MUC7: variants seen among roughly 807,000 people sequenced by gnomAD.
MUC7 encodes the protein mucin-7.
A neutral mutation model predicts 2.5 loss-of-function variants in MUC7; 2 were observed. The observed-to-expected ratio is 0.81, with a 90% confidence interval of 0.33 to 2.55. The LOEUF (loss-of-function observed/expected upper bound fraction) is 2.55, where lower values mean the gene tolerates loss of function less well. Ranked by LOEUF, MUC7 falls within the 30% of genes most tolerant of loss-of-function variation. MUC7 has a pLI of 0.11. For synonymous variants in MUC7, 133 were observed against 173.4 expected (o/e 0.77, Z 1.83); for missense variants, 408 against 455.6 (o/e 0.90, Z 0.95).
upstream of MUC7, among the ~76,000 whole-genome samples, chr4:70,467,949 C>T (rs1032831580): frequency 1.3e-5 from 2 of 151,570 alleles, no homozygotes; most frequent in South Asian, 4.2e-4. Context: ...TTGGGAGAGA[C>T]ACAAGAAAAG....
At chr4:70,438,825 G>GT (rs1384791551) in intron 1 of MUC7, among the ~76,000 whole-genome samples, 2 of 152,096 alleles carry the variant, frequency 1.3e-5, no homozygotes, top group Non-Finnish European at 2.9e-5. Flanking sequence ...GAATCTAAAT[G>GT]TTTTTTCCAA....
chr4:70,451,520 A>C (rs1271491668), intron 1 of MUC7, among the ~76,000 whole-genome samples: 1 of 152,176 alleles, frequency 6.6e-6, no homozygotes, highest in Non-Finnish European at 1.5e-5. Flanking sequence ...TTATTCCACC[A>C]TCTTGCTCTG....
chr4:70,465,445 T>G (rs541869379), intron 1 of MUC7, among the ~76,000 whole-genome samples: 1 of 151,998 alleles, frequency 6.6e-6, no homozygotes, highest in East Asian at 1.9e-4. Flanking sequence ...GGTAATAACC[T>G]TCTCTGAGCT....
At chr4:70,444,155 T>C (rs1734069520) in intron 1 of MUC7, among the ~76,000 whole-genome samples, 1 of 152,200 alleles carries the variant, frequency 6.6e-6, no homozygotes, top group South Asian at 2.1e-4. Context: ...AGCTACCTTA[T>C]CTGATGTTCC....
At chr4:70,438,925 A>C (rs1304359649) in intron 1 of MUC7, among the ~76,000 whole-genome samples, 1 of 152,242 alleles carries the variant, frequency 6.6e-6, no homozygotes, top group Non-Finnish European at 1.5e-5. Context: ...ACATTTATCA[A>C]AGTCATATCA....
chr4:70,460,960 G>T (rs867259782), intron 1 of MUC7, among the ~76,000 whole-genome samples: 42 of 152,322 alleles, frequency 2.8e-4, no homozygotes, highest in Middle Eastern at 3.4e-3. Flanking sequence ...CACTGCGTAT[G>T]CTAGTTTCAG....
chr4:70,479,934 C>T (rs569380469), intron 2 of MUC7, among the ~76,000 whole-genome samples: 4 of 152,244 alleles, frequency 2.6e-5, no homozygotes, highest in South Asian at 2.1e-4. Context: ...CTCTACCAGG[C>T]GGCCTTAGGA....
At chr4:70,463,198 A>AG (rs373683812) in intron 1 of MUC7, among the ~76,000 whole-genome samples, 3,032 of 130,212 alleles carry the variant, frequency 0.023, 69 homozygotes, top group African/African-American at 0.06. Context: ...ACTTCAAACC[A>AG]CAAAAAAAAA....
At chr4:70,440,961 T>C (rs11249500) in intron 1 of MUC7, among the ~76,000 whole-genome samples, 89,764 of 151,898 alleles carry the variant, frequency 0.59, 28,058 homozygotes, top group Admixed American at 0.73. Context: ...TGAGGGGAGC[T>C]CATGGAAGTT....
At chr4:70,441,925 T>C (rs949108817) in intron 1 of MUC7, among the ~76,000 whole-genome samples, 3 of 152,212 alleles carry the variant, frequency 2.0e-5, no homozygotes, top group African/African-American at 7.2e-5. Context: ...AAAGAAAATA[T>C]ACTGTCTTAA....
At chr4:70,463,483 G>A (rs1734607586) in intron 1 of MUC7, among the ~76,000 whole-genome samples, 1 of 152,076 alleles carries the variant, frequency 6.6e-6, no homozygotes, top group Admixed American at 6.6e-5. Flanking sequence ...CAACTATAAT[G>A]CATTTTGGTG....
intron 1 of MUC7, among the ~76,000 whole-genome samples, chr4:70,450,775 A>G (rs750298058): frequency 2.6e-5 from 4 of 151,942 alleles, no homozygotes; most frequent in Non-Finnish European, 4.4e-5. Flanking sequence ...GGGCCTCATG[A>G]CTCTGACCAA....
Position 70,481,892 on chromosome 4 carries a change from G to A in MUC7, c.*14G>A, listed in dbSNP as rs368121308. ...GTGGAGCAATAGTATATTGTATGTT[G>A]TAAAGTGTTCTGTCATTTACAAGAT... On this transcript the variant is annotated 3_prime_UTR_variant, in exon 3 of 3. Transcript: ENST00000304887. The A allele has an allele frequency of 6.2e-7, 1 of 1,606,936 alleles. No individual in the cohort carries two copies. The highest frequency in any genetic ancestry group is 1.1e-5 in the South Asian group (1 of 89,956).
Position 70,482,646 on chromosome 4 carries a change from T to C in MUC7, c.*768T>C, listed in dbSNP as rs551914622. 6.6e-6 allele frequency: 1 copy of C among 152,366 alleles called. No individual in the cohort carries two copies. The highest frequency in any genetic ancestry group is 1.9e-4 in the East Asian group (1 of 5,186). 9.4% of individuals were successfully genotyped at this position (152,366 alleles called of 1,614,324 possible). A position where few individuals can be genotyped will look rare whatever the true frequency, so the allele number is the denominator to read the frequency against. ...CTAGCCTCTGTGAACAACAAGAATA[T>C]GTTTGTGTATGTTCACATGGTGCTT... On this transcript the variant is annotated 3_prime_UTR_variant, in exon 3 of 3. Coordinates refer to ENST00000304887, the MANE Select transcript of MUC7 (RefSeq NM_152291.3).
At chr4:70,465,253 A>G (rs985437145) in intron 1 of MUC7, among the ~76,000 whole-genome samples, 4 of 152,204 alleles carry the variant, frequency 2.6e-5, no homozygotes, top group Non-Finnish European at 4.4e-5. Context: ...AAGGTCACCA[A>G]CATCAAAGAC....
chr4:70,480,778 C>T (rs1214988450), intron 2 of MUC7, 21 bp from the exon 3 acceptor site: 3 of 1,600,226 alleles, frequency 1.9e-6, no homozygotes, highest in Admixed American at 3.4e-5. Flanking sequence ...TCATTTCTTA[C>T]ATTTTCTTTC....
At chr4:70,478,054 A>G (rs1735056544) in intron 2 of MUC7, among the ~76,000 whole-genome samples, 1 of 139,252 alleles carries the variant, frequency 7.2e-6, no homozygotes, top group African/African-American at 2.7e-5. Flanking sequence ...GTAACTGCCA[A>G]TCATAATAAC....
At chr4:70,461,308 C>A (rs1734550650) in intron 1 of MUC7, among the ~76,000 whole-genome samples, 1 of 152,200 alleles carries the variant, frequency 6.6e-6, no homozygotes, top group African/African-American at 2.4e-5. Flanking sequence ...ATTTAATTCA[C>A]CAGTTTATCC....
intron 1 of MUC7, among the ~76,000 whole-genome samples, chr4:70,449,931 G>T (rs1425930972): frequency 6.6e-6 from 1 of 152,282 alleles, no homozygotes; most frequent in African/African-American, 2.4e-5. Flanking sequence ...CTTGCCCAAG[G>T]CCTGCTCTAA....
Sources: gnomAD v4.1 joint callset for allele counts (sites outside exome capture counted in the v4.1 genomes callset) on GRCh38, gnomAD v4.1.1 for gene constraint, MANE v1.5 for transcripts, NCBI Gene and HGNC (gene_info 2026-07-23, HGNC 2026-07-21) for gene names.